CNNM2: variants seen among roughly 807,000 people sequenced by gnomAD.
The protein encoded by CNNM2 is metal transporter CNNM2.
A neutral mutation model predicts 66.9 loss-of-function variants in CNNM2; 12 were observed. The ratio of observed to expected loss-of-function variants is 0.18; its 90% confidence interval spans 0.11 to 0.29. CNNM2 has a LOEUF of 0.29. Among genes scored for constraint, CNNM2 ranks in the 10% least tolerant of loss-of-function variants. CNNM2 has a pLI of 1.00. For missense variants in CNNM2, 705 were observed against 1,167.7 expected (o/e 0.60, Z 5.77); for synonymous variants, 557 against 501.8 (o/e 1.11, Z -1.47).
chr10:103,023,084 TAGTAGGGAGGGCGC>T (rs1291324951), intron 1 of CNNM2, among the ~76,000 whole-genome samples: 1 of 152,122 alleles, frequency 6.6e-6, no homozygotes, highest in Non-Finnish European at 1.5e-5. Context: ...TTGTATTTTT[TAGTAGGGAGGGCGC>T]TTCGCTATGT....
Position 102,980,826 on chromosome 10 carries a change from G to A in CNNM2, c.1621+60725G>A, listed in dbSNP as rs12570199. 2.4e-3 allele frequency among the ~76,000 whole-genome samples: 361 copies of A among 152,142 alleles called. 8 individuals are homozygous for A. The East Asian group carries it at 0.051, about 22-fold the overall frequency. On this transcript the variant is annotated intron_variant, in intron 1 of 7. Coordinates refer to ENST00000369878, the MANE Select transcript of CNNM2 (RefSeq NM_017649.5). ...TCATATGATACAATCAACATATTGCGATCACATGCTTTTTTTTCTTCCCTG... is the reference window on the plus strand; with the variant it reads ...TCATATGATACAATCAACATATTGCAATCACATGCTTTTTTTTCTTCCCTG...
intron 1 of CNNM2, among the ~76,000 whole-genome samples, chr10:103,018,989 C>T (rs1020090604): frequency 1.5e-4 from 22 of 146,566 alleles, no homozygotes; most frequent in African/African-American, 1.2e-4. Flanking sequence ...TATTTACGGC[C>T]GGGTGCAGTG....
At chr10:102,968,807 C>T (rs2063505141) in intron 1 of CNNM2, among the ~76,000 whole-genome samples, 1 of 151,626 alleles carries the variant, frequency 6.6e-6, no homozygotes, top group Non-Finnish European at 1.5e-5. Context: ...GACTATGTTG[C>T]CTAGTCTGGT....
chr10:103,062,148 G>T (rs1177467922), intron 4 of CNNM2, among the ~76,000 whole-genome samples: 1 of 152,188 alleles, frequency 6.6e-6, no homozygotes, highest in Non-Finnish European at 1.5e-5. Context: ...TAATATGAGG[G>T]ATCACTATGT....
intron 1 of CNNM2, among the ~76,000 whole-genome samples, chr10:102,943,908 C>T (rs1356021161): frequency 6.6e-6 from 1 of 152,070 alleles, no homozygotes; most frequent in East Asian, 1.9e-4. Flanking sequence ...CCTTTAATAC[C>T]TAGTTACAAT....
At chr10:103,069,287 A>G (rs1412905728) in intron 5 of CNNM2, among the ~76,000 whole-genome samples, 1 of 151,856 alleles carries the variant, frequency 6.6e-6, no homozygotes. Context: ...ACATTCTTAT[A>G]CATGTCTTTG....
intron 1 of CNNM2, chr10:102,927,677 A>C: frequency 2.7e-6 from 1 of 374,100 alleles, no homozygotes; most frequent in East Asian, 4.9e-5. Flanking sequence ...AGACAGGAGA[A>C]TCACTTGAAC....
chr10:102,981,909 C>T (rs2063727001), intron 1 of CNNM2, among the ~76,000 whole-genome samples: 3 of 151,810 alleles, frequency 2.0e-5, no homozygotes, highest in Non-Finnish European at 4.4e-5. Flanking sequence ...GTGACTGCCT[C>T]TTCTTCATTT....
intron 1 of CNNM2, among the ~76,000 whole-genome samples, chr10:102,967,869 A>G (rs2063489357): frequency 2.0e-5 from 3 of 152,150 alleles, no homozygotes; most frequent in African/African-American, 7.2e-5. Context: ...TTAGCCAGGC[A>G]TGGTGGCAAG....
intron 1 of CNNM2, among the ~76,000 whole-genome samples, chr10:103,029,633 C>T (rs952152565): frequency 3.3e-5 from 5 of 151,890 alleles, no homozygotes; most frequent in East Asian, 1.9e-4. Flanking sequence ...GAGGCTGAGG[C>T]GGGTGGATCA....
chr10:102,958,147 G>C (rs983942243), intron 1 of CNNM2, among the ~76,000 whole-genome samples: 2 of 152,084 alleles, frequency 1.3e-5, no homozygotes, highest in Non-Finnish European at 2.9e-5. Flanking sequence ...TGTTGGTCAG[G>C]CTGATCTCGA....
At chr10:102,974,702 T>G (rs993922413) in intron 1 of CNNM2, among the ~76,000 whole-genome samples, 3 of 151,994 alleles carry the variant, frequency 2.0e-5, no homozygotes, top group African/African-American at 7.2e-5. Flanking sequence ...CCTGGCCAAC[T>G]TTTAAAATTT....
chr10:102,991,213 C>T (rs560430633), intron 1 of CNNM2, among the ~76,000 whole-genome samples: 40 of 152,146 alleles, frequency 2.6e-4, no homozygotes, highest in African/African-American at 9.4e-4. Flanking sequence ...GTCTCGAACT[C>T]CTGACCTCAA....
At chr10:103,000,855 A>G (rs539719919) in intron 1 of CNNM2, among the ~76,000 whole-genome samples, 1 of 152,348 alleles carries the variant, frequency 6.6e-6, no homozygotes, top group Admixed American at 6.5e-5. Flanking sequence ...CTGGGATTGC[A>G]GGCATGAGCC....
At chr10:102,937,122 A>T (rs1846267015) in intron 1 of CNNM2, among the ~76,000 whole-genome samples, 2 of 152,228 alleles carry the variant, frequency 1.3e-5, no homozygotes, top group Admixed American at 1.3e-4. Context: ...AAATAAGGGA[A>T]TTTAGGCTTT....
chr10:102,996,222 G>T (rs1281595710), intron 1 of CNNM2, among the ~76,000 whole-genome samples: 1 of 151,502 alleles, frequency 6.6e-6, no homozygotes, highest in Non-Finnish European at 1.5e-5. Flanking sequence ...AAGAATGAAG[G>T]TTTGGTTTCA....
intron 1 of CNNM2, among the ~76,000 whole-genome samples, chr10:103,003,751 C>T (rs1461128606): frequency 1.3e-5 from 2 of 151,836 alleles, no homozygotes; most frequent in Admixed American, 6.6e-5. Flanking sequence ...CCAGCCTGGG[C>T]ACCAGAGCGA....
chr10:103,076,954 C>A lies in CNNM2; in HGVS notation c.2419-17C>A. 1 of 1,610,456 alleles carries A rather than the reference C, an allele frequency of 6.2e-7. No individual in the cohort carries two copies. The highest frequency in any genetic ancestry group is 8.5e-7 in the Non-Finnish European group (1 of 1,177,528). On this transcript the variant is annotated splice_polypyrimidine_tract_variant and intron_variant, in intron 7 of 7. Transcript: ENST00000369878. ...GCATTATCTTGGTTTGTTTTCTGTG[C>A]CATCTTCTGGCCCCAGATCTCAAGA...
chr10:102,993,505 A>G (rs943022752), intron 1 of CNNM2, among the ~76,000 whole-genome samples: 1 of 152,148 alleles, frequency 6.6e-6, no homozygotes, highest in African/African-American at 2.4e-5. Flanking sequence ...AGAGAATTCT[A>G]TTATCTGATA....
Sources: gnomAD v4.1 joint callset for allele counts (sites outside exome capture counted in the v4.1 genomes callset) on GRCh38, gnomAD v4.1.1 for gene constraint, MANE v1.5 for transcripts, NCBI Gene and HGNC (gene_info 2026-07-23, HGNC 2026-07-21) for gene names.